Variants in FXR1 observed in about 807,000 individuals in gnomAD.
FXR1 encodes the protein FMR1 autosomal homolog 1, also known as RNA-binding protein FXR1.
FXR1 carries 15 observed loss-of-function variants against 84.0 expected under a neutral mutation model. That is an observed-to-expected ratio of 0.18 (90% CI 0.12 to 0.27). The LOEUF (loss-of-function observed/expected upper bound fraction) is 0.27. FXR1 is among the 10% of genes least tolerant of loss of function. The pLI, the probability that FXR1 is intolerant of heterozygous loss-of-function variation, is 1.00. For missense variants in FXR1, 480 were observed against 774.4 expected (o/e 0.62, Z 4.51); for synonymous variants, 245 against 250.7 (o/e 0.98, Z 0.21).
At chr3:180,945,690 G>T (rs1721624121) in intron 3 of FXR1, among the ~76,000 whole-genome samples, 1 of 152,190 alleles carries the variant, frequency 6.6e-6, no homozygotes. Flanking sequence ...GATTATAGGT[G>T]TAAGCCACCG....
intron 14 of FXR1, 121 bp from the exon 15 acceptor site, chr3:180,970,037 C>T (rs897268502): frequency 3.9e-5 from 20 of 507,060 alleles, no homozygotes; most frequent in African/African-American, 3.4e-4. Flanking sequence ...TATTTGAAGA[C>T]AGTGCATTTT....
chr3:180,931,883 GA>G (rs1297086142), intron 1 of FXR1, among the ~76,000 whole-genome samples: 1 of 151,168 alleles, frequency 6.6e-6, no homozygotes, highest in African/African-American at 2.4e-5. Context: ...TGGGACCACA[GA>G]CACGCCACCA....
rs765924518 is a variant in FXR1, at chr3:180,947,847, A to G, written c.199-18A>G. ...TCTTTTGGGATGAATGGATATAGGC[A>G]TTTTTTTTTCTTCTCAGGTATATTC... is the stretch of plus-strand genomic sequence containing the variant. On this transcript the variant is annotated intron_variant, in intron 3 of 16. Coordinates refer to ENST00000357559, the MANE Select transcript of FXR1 (RefSeq NM_005087.4). The G allele has an allele frequency of 2.0e-6, 3 of 1,493,886 alleles. No individual in the cohort carries two copies. The highest frequency in any genetic ancestry group is 2.8e-5 in the African/African-American group (2 of 71,574). 92.5% of individuals were successfully genotyped at this position (1,493,886 alleles called of 1,614,324 possible).
In FXR1 at chr3:180,931,513, C is replaced by T. The variant is rs540827491; in HGVS notation, c.52-1821C>T. On this transcript the variant is annotated intron_variant, in intron 1 of 16. Coordinates refer to ENST00000357559, the MANE Select transcript of FXR1 (RefSeq NM_005087.4). ...GCATTTCAGGCGTGAGTCACTGCAC[C>T]GGGCCTACCATAGCAATCTTCAAGA... Among the ~76,000 whole-genome samples the T allele has an allele frequency of 1.1e-4, 16 of 152,176 alleles. 1 individual carries two copies. In the South Asian group the frequency reaches 1.9e-3, roughly 18 times the overall value.
chr3:180,915,624 A>G (rs762030815), intron 1 of FXR1: 37 of 743,592 alleles, frequency 5.0e-5, no homozygotes, highest in South Asian at 1.3e-4. Context: ...TGGTTTTTCA[A>G]TGTACAGGTG....
At chr3:180,932,442 G>T (rs1321875441) in intron 1 of FXR1, among the ~76,000 whole-genome samples, 1 of 152,156 alleles carries the variant, frequency 6.6e-6, no homozygotes, top group African/African-American at 2.4e-5. Flanking sequence ...AAGTGCCAAG[G>T]ACTGCTTGCC....
At chr3:180,948,671 T>A in intron 5 of FXR1, 50 bp from the exon 6 acceptor site, 1 of 1,051,272 alleles carries the variant, frequency 9.5e-7, no homozygotes, top group South Asian at 1.3e-5. Context: ...GACTCTCCTC[T>A]GACTTTAATC....
chr3:180,941,672 A>G (rs1458397897), intron 3 of FXR1, among the ~76,000 whole-genome samples: 2 of 152,166 alleles, frequency 1.3e-5, no homozygotes, highest in African/African-American at 4.8e-5. Flanking sequence ...CACATAAAGG[A>G]GAGACGAACA....
intron 3 of FXR1, among the ~76,000 whole-genome samples, chr3:180,937,648 A>G (rs995821553): frequency 3.3e-5 from 5 of 152,136 alleles, no homozygotes; most frequent in African/African-American, 1.2e-4. Context: ...AATATAAGGA[A>G]AAAGTTTAAG....
chr3:180,932,337 G>A (rs987132785), intron 1 of FXR1, among the ~76,000 whole-genome samples: 2 of 152,156 alleles, frequency 1.3e-5, no homozygotes, highest in Non-Finnish European at 2.9e-5. Context: ...GTACACCATG[G>A]TTGAAAGTGT....
intron 9 of FXR1, among the ~76,000 whole-genome samples, chr3:180,954,995 T>G (rs1303478916): frequency 6.7e-6 from 1 of 149,606 alleles, no homozygotes; most frequent in African/African-American, 2.4e-5. Context: ...AAATTTTTTT[T>G]TTTTTTTTTT....
Position 180,968,104 on chromosome 3 carries a change from G to C in FXR1, c.1252G>C (p.Glu418Gln), listed in dbSNP as rs900467633. 1 of 1,613,612 alleles carries C rather than the reference G, an allele frequency of 6.2e-7. No homozygotes were observed. The highest frequency in any genetic ancestry group is 8.5e-7 in the Non-Finnish European group (1 of 1,179,594). Reference protein sequence around the residue: ...PSETESERKDELSDWSLAGED... With the variant: ...PSETESERKDQLSDWSLAGED... ...TGAAACGGAATCTGAGCGTAAAGAC[G>C]AGCTGAGTGATTGGTCATTGGCAGG... The change falls in exon 14 of 17, where the codon GAG (glutamate) becomes CAG (glutamine). Residue 418 changes from glutamate (E) to glutamine (Q), a missense_variant. Glu to Gln is a conservative substitution (Grantham distance 29). Coordinates refer to ENST00000357559, the MANE Select transcript of FXR1 (RefSeq NM_005087.4).
chr3:180,976,147 G>A lies in FXR1; in HGVS notation c.1721G>A (p.Gly574Asp). The A allele has an allele frequency of 6.2e-7, 1 of 1,612,892 alleles. No individual in the cohort carries two copies. Among genetic ancestry groups the A allele is most frequent in the Non-Finnish European group, 8.5e-7 (1 of 1,179,440 alleles). ...EMAKDVIEEH[G>D]PSEKAINGPT... is the part of the protein sequence containing the mutation. Reference sequence around the variant, plus strand: ...GCAAAAGATGTGATTGAAGAGCATGGTCCTTCAGAAAAGGCAATAAACGGC... The same window carrying A: ...GCAAAAGATGTGATTGAAGAGCATGATCCTTCAGAAAAGGCAATAAACGGC... The change falls in exon 17 of 17, where the codon GGT (glycine) becomes GAT (aspartate). Residue 574 changes from glycine (G) to aspartate (D), a missense_variant. Physicochemically the swap from Gly to Asp is moderately conservative, Grantham distance 94 (BLOSUM62 -1). This residue lies in a region of FXR1 where 94 missense variants were observed against 81.8 expected (regional missense o/e 1.15). Transcript: ENST00000357559.
At chr3:180,960,981 T>G (rs1159164695) in intron 10 of FXR1, among the ~76,000 whole-genome samples, 1 of 152,168 alleles carries the variant, frequency 6.6e-6, no homozygotes, top group Non-Finnish European at 1.5e-5. Context: ...TTTTTCTCCT[T>G]AAATCTTGAA....
At chr3:180,940,943 T>A (rs377359851) in intron 3 of FXR1, among the ~76,000 whole-genome samples, 6 of 152,324 alleles carry the variant, frequency 3.9e-5, no homozygotes, top group African/African-American at 1.4e-4. Flanking sequence ...AACCTGTTTT[T>A]GAACTGTGAG....
intron 3 of FXR1, among the ~76,000 whole-genome samples, chr3:180,946,989 A>G (rs914357402): frequency 2.0e-5 from 3 of 152,196 alleles, no homozygotes; most frequent in Non-Finnish European, 2.9e-5. Context: ...TCTGTGACCT[A>G]TTACGTTAAT....
chr3:180,935,491 T>G (rs1205359789), intron 3 of FXR1, among the ~76,000 whole-genome samples: 1 of 152,198 alleles, frequency 6.6e-6, no homozygotes, highest in Non-Finnish European at 1.5e-5. Flanking sequence ...TTTGAATTCT[T>G]AAAAGAACCT....
chr3:180,919,288 GT>G (rs3071953), intron 1 of FXR1, among the ~76,000 whole-genome samples: 30,367 of 135,312 alleles, frequency 0.22, 2,860 homozygotes, highest in African/African-American at 0.29. Context: ...TTTTATTTTT[GT>G]TTTTTTTTTT....
In FXR1 at chr3:180,962,902, T is replaced by C. The variant is rs758451039; in HGVS notation, c.1097T>C (p.Met366Thr). 1 of 1,611,430 alleles carries C rather than the reference T, an allele frequency of 6.2e-7. No homozygotes were observed. The highest frequency in any genetic ancestry group is 8.5e-7 in the Non-Finnish European group (1 of 1,177,660). ...TTGTAGGAAGTAGAACAGCTAAGAA[T>C]GGAACGCCTACAGATTGATGAACAG... ...AYLKEVEQLRMERLQIDEQLR... is the reference protein window; with the variant it reads ...AYLKEVEQLRTERLQIDEQLR... Residue 366 changes from methionine (M) to threonine (T), a missense_variant, in exon 12 of 17, where the codon ATG (methionine) becomes ACG (threonine). By Grantham distance (81) the Met-to-Thr change is moderately conservative. Coordinates refer to ENST00000357559, the MANE Select transcript of FXR1 (RefSeq NM_005087.4).
Sources: gnomAD v4.1 joint callset for allele counts (sites outside exome capture counted in the v4.1 genomes callset) on GRCh38, gnomAD v4.1.1 for gene constraint, gnomAD v4.1.1 regional missense constraint, MANE v1.5 for transcripts, NCBI Gene and HGNC (gene_info 2026-07-23, HGNC 2026-07-21) for gene names.